The following RANBP17 variants were observed in gnomAD, a reference collection of about 807,000 sequenced individuals.
The protein encoded by RANBP17 is ran-binding protein 17.
In RANBP17, 158 loss-of-function variants were observed where a neutral mutation model predicts 141.2. The ratio of observed to expected loss-of-function variants is 1.12; its 90% confidence interval spans 0.98 to 1.28. The LOEUF is 1.28. RANBP17 is among the 50% of genes most tolerant of loss of function. The pLI is 0.00. For synonymous variants in RANBP17, 430 were observed against 450.0 expected, an observed-to-expected ratio of 0.96 and a Z score of 0.56; for missense variants, 1,438 against 1,290.7, an observed-to-expected ratio of 1.11 and a Z score of -1.75.
At chr5:171,194,033 T>A (rs914812656) in intron 18 of RANBP17, among the ~76,000 whole-genome samples, 2 of 152,206 alleles carry the variant, frequency 1.3e-5, no homozygotes, top group African/African-American at 4.8e-5. Context: ...TACCATCATT[T>A]ACAGTTATCA....
chr5:171,270,941 G>T (rs1285788325), intron 25 of RANBP17, among the ~76,000 whole-genome samples: 2 of 151,916 alleles, frequency 1.3e-5, no homozygotes, highest in Non-Finnish European at 2.9e-5. Flanking sequence ...AGAGCAGTTA[G>T]GGTTGAATTC....
chr5:170,892,441 TC>T lies in RANBP17; in HGVS notation c.313del (p.Gln105LysfsTer32). On this transcript the variant is annotated frameshift_variant, in exon 4 of 28. Coordinates refer to ENST00000523189, the MANE Select transcript of RANBP17 (RefSeq NM_022897.5). LOFTEE classifies it high-confidence loss of function. ...ASQPKLAPFV[I>X]QALIQVIAKI... ...CAGCCCAAGCTGGCTCCCTTTGTCA[TC>T]CAAGCTCTTATTCAAGTCATTGCTA... The T allele has an allele frequency of 1.2e-6, 2 of 1,614,038 alleles. No individual in the cohort carries two copies. The highest frequency in any genetic ancestry group is 2.2e-5 in the South Asian group (2 of 91,056).
chr5:171,009,623 A>G (rs1376081206), intron 14 of RANBP17, among the ~76,000 whole-genome samples: 4 of 152,226 alleles, frequency 2.6e-5, no homozygotes, highest in African/African-American at 4.8e-5. Flanking sequence ...TAGGCTACAT[A>G]GTCAACTTCA....
intron 14 of RANBP17, among the ~76,000 whole-genome samples, chr5:171,041,901 C>T (rs1336670525): frequency 6.6e-6 from 1 of 151,958 alleles, no homozygotes; most frequent in African/African-American, 2.4e-5. Flanking sequence ...CCTCCCACTG[C>T]ACCCCCGACA....
chr5:171,071,877 A>G (rs1435946355), intron 14 of RANBP17, among the ~76,000 whole-genome samples: 2 of 152,092 alleles, frequency 1.3e-5, no homozygotes, highest in Non-Finnish European at 2.9e-5. Context: ...GAGAAATTGG[A>G]CTTTATTATC....
chr5:170,909,561 C>A (rs1322993207), intron 5 of RANBP17, 100 bp from the exon 6 acceptor site: 24 of 601,274 alleles, frequency 4.0e-5, no homozygotes, highest in Non-Finnish European at 6.7e-5. Context: ...AACTTGGGTT[C>A]TACTCAAGTT....
intron 3 of RANBP17, among the ~76,000 whole-genome samples, chr5:170,882,470 G>A (rs773787815): frequency 6.6e-6 from 1 of 152,134 alleles, no homozygotes; most frequent in Non-Finnish European, 1.5e-5. Context: ...CACCAAATAA[G>A]ATTTTTGAGT....
chr5:170,969,246 A>G (rs1776814392), intron 14 of RANBP17, among the ~76,000 whole-genome samples: 1 of 151,788 alleles, frequency 6.6e-6, no homozygotes, highest in Non-Finnish European at 1.5e-5. Context: ...TTTTTTAAGG[A>G]AATGATGCCA....
intron 14 of RANBP17, among the ~76,000 whole-genome samples, chr5:170,989,627 G>T (rs534620486): frequency 6.6e-6 from 1 of 151,904 alleles, no homozygotes; most frequent in South Asian, 2.1e-4. Context: ...AGGCAAATTA[G>T]TATTTGGAGA....
At chr5:170,932,198 GCTAT>G (rs1428657339) in intron 12 of RANBP17, among the ~76,000 whole-genome samples, 31 of 151,438 alleles carry the variant, frequency 2.0e-4, no homozygotes, top group Middle Eastern at 3.4e-3. Flanking sequence ...TCATGATTTG[GCTAT>G]CTGTTTGTCT....
intron 1 of RANBP17, among the ~76,000 whole-genome samples, chr5:170,864,012 AC>A (rs1183016490): frequency 1.3e-5 from 2 of 152,238 alleles, no homozygotes; most frequent in Non-Finnish European, 2.9e-5. Context: ...AACTCAAGGA[AC>A]ATTTGTTAAT....
intron 1 of RANBP17, among the ~76,000 whole-genome samples, chr5:170,868,978 AG>A (rs1767491415): frequency 6.6e-6 from 1 of 152,196 alleles, no homozygotes; most frequent in South Asian, 2.1e-4. Flanking sequence ...AAAGGTTTTT[AG>A]TATACCAGGT....
intron 22 of RANBP17, among the ~76,000 whole-genome samples, chr5:171,230,413 G>A (rs1227218419): frequency 6.6e-6 from 1 of 152,208 alleles, no homozygotes; most frequent in Non-Finnish European, 1.5e-5. Flanking sequence ...AGGAGCTTTA[G>A]GCAGTGAGAG....
At chr5:171,064,000 G>C (rs1242960855) in intron 14 of RANBP17, among the ~76,000 whole-genome samples, 4 of 152,236 alleles carry the variant, frequency 2.6e-5, no homozygotes, top group Non-Finnish European at 5.9e-5. Flanking sequence ...TGCACTGTTT[G>C]TTAAGCCCAT....
chr5:171,154,346 G>A (rs768359224), intron 14 of RANBP17, among the ~76,000 whole-genome samples: 1 of 151,518 alleles, frequency 6.6e-6, no homozygotes, highest in Admixed American at 6.6e-5. Context: ...GCACGATCTC[G>A]GCTCACTGCA....
intron 3 of RANBP17, among the ~76,000 whole-genome samples, chr5:170,883,391 C>G (rs1329334548): frequency 1.3e-5 from 2 of 152,166 alleles, no homozygotes; most frequent in Non-Finnish European, 2.9e-5. Flanking sequence ...CTATCAACAT[C>G]CTGCACCAAA....
intron 14 of RANBP17, among the ~76,000 whole-genome samples, chr5:170,987,139 A>C (rs2127559287): frequency 6.6e-6 from 1 of 151,890 alleles, no homozygotes; most frequent in East Asian, 1.9e-4. Context: ...TAAACACTAA[A>C]CATTGAAACA....
chr5:171,205,379 T>C (rs959609448), intron 19 of RANBP17, 145 bp from the exon 20 acceptor site: 2 of 638,930 alleles, frequency 3.1e-6, no homozygotes, highest in South Asian at 3.8e-5. Flanking sequence ...TTAAAGAGTC[T>C]GTGCTTTTCT....
intron 14 of RANBP17, among the ~76,000 whole-genome samples, chr5:171,081,076 C>T (rs746769550): frequency 2.0e-5 from 3 of 152,146 alleles, no homozygotes; most frequent in Admixed American, 6.5e-5. Flanking sequence ...GCTCTAAGTT[C>T]GTCTGACTAG....
Sources: gnomAD v4.1 joint callset for allele counts (sites outside exome capture counted in the v4.1 genomes callset) on GRCh38, gnomAD v4.1.1 for gene constraint, MANE v1.5 for transcripts, NCBI Gene and HGNC (gene_info 2026-07-23, HGNC 2026-07-21) for gene names.